ATXN7: variants seen among roughly 807,000 people sequenced by gnomAD.
ATXN7 encodes the protein ataxin-7.
Under a neutral mutation model 70.5 loss-of-function variants are expected in ATXN7, and 12 were observed. That is an observed-to-expected ratio of 0.17 (90% CI 0.11 to 0.28). ATXN7 has a LOEUF of 0.28. Ranked by LOEUF, ATXN7 falls within the 10% of genes least tolerant of loss-of-function variation. The pLI is 1.00. For synonymous variants in ATXN7, 498 were observed against 448.7 expected, an observed-to-expected ratio of 1.11 and a Z score of -1.39; for missense variants, 1,256 against 1,131.7, an observed-to-expected ratio of 1.11 and a Z score of -1.58.
At chr3:63,950,843 TATCTA>T (rs2074941590) in intron 4 of ATXN7, among the ~76,000 whole-genome samples, 1 of 152,196 alleles carries the variant, frequency 6.6e-6, no homozygotes, top group Non-Finnish European at 1.5e-5. Flanking sequence ...GGAAGCTTCT[TATCTA>T]ATCAGTTTAT....
At chr3:63,900,469 C>T (rs1285821148) in intron 2 of ATXN7, 1 of 152,252 alleles carries the variant, frequency 6.6e-6, no homozygotes, top group African/African-American at 2.4e-5. Context: ...ATGTTCTGGA[C>T]TAAAGCTGAA....
chr3:63,894,111 C>T (rs1417710094), intron 1 of ATXN7, among the ~76,000 whole-genome samples: 5 of 152,120 alleles, frequency 3.3e-5, no homozygotes. Flanking sequence ...GCATGGCTAC[C>T]TACAGGAGAC....
At chr3:63,913,567 C>G (rs1343844540) in intron 4 of ATXN7, among the ~76,000 whole-genome samples, 1 of 152,174 alleles carries the variant, frequency 6.6e-6, no homozygotes, top group Non-Finnish European at 1.5e-5. Flanking sequence ...TGAAACCTTT[C>G]CACGAATGCT....
At chr3:63,924,388 A>G (rs527475947) in intron 4 of ATXN7, among the ~76,000 whole-genome samples, 93 of 152,250 alleles carry the variant, frequency 6.1e-4, no homozygotes, top group African/African-American at 2.2e-3. Flanking sequence ...GTCAGTCTGT[A>G]TCCTCAACAT....
chr3:63,954,313 A>G (rs1194274755), intron 5 of ATXN7, among the ~76,000 whole-genome samples: 2 of 152,208 alleles, frequency 1.3e-5, no homozygotes, highest in East Asian at 3.9e-4. Context: ...GTGGCCCCGG[A>G]TTGGCAACAA....
intron 4 of ATXN7, among the ~76,000 whole-genome samples, chr3:63,916,480 T>C (rs1338104289): frequency 3.9e-5 from 6 of 152,242 alleles, no homozygotes; most frequent in Non-Finnish European, 7.3e-5. Flanking sequence ...CTGTTTTTTC[T>C]TTTCACTTTT....
At chr3:63,913,983 G>T (rs144392465) in intron 4 of ATXN7, among the ~76,000 whole-genome samples, 1 of 152,110 alleles carries the variant, frequency 6.6e-6, no homozygotes, top group East Asian at 1.9e-4. Flanking sequence ...ACCTGCACTA[G>T]GCCTGGGCAT....
At chr3:63,954,699 GTTTTTTTTTTTGTTTTTT>G (rs893271695) in intron 5 of ATXN7, among the ~76,000 whole-genome samples, 20 of 124,574 alleles carry the variant, frequency 1.6e-4, no homozygotes, top group East Asian at 2.4e-4. Context: ...AGGAAAAAGT[GTTTTTTTTTTTGTTTTTT>G]TTTTTTTTTG....
At chr3:63,914,002 C>A (rs960517551) in intron 4 of ATXN7, among the ~76,000 whole-genome samples, 6 of 152,176 alleles carry the variant, frequency 3.9e-5, no homozygotes, top group African/African-American at 1.4e-4. Flanking sequence ...ATACCGTGGT[C>A]AGAAAGGACT....
chr3:63,943,136 T>C (rs950377139), intron 4 of ATXN7, among the ~76,000 whole-genome samples: 3 of 152,228 alleles, frequency 2.0e-5, no homozygotes, highest in Admixed American at 1.3e-4. Flanking sequence ...AGGGAAAGTC[T>C]TTCCAATGAA....
chr3:63,890,599 A>G (rs1180312641), intron 1 of ATXN7, among the ~76,000 whole-genome samples: 1 of 152,076 alleles, frequency 6.6e-6, no homozygotes, highest in Non-Finnish European at 1.5e-5. Context: ...TCGTAGAAGT[A>G]AATAAAATAA....
At chr3:63,895,693 C>G (rs148562876) in intron 1 of ATXN7, among the ~76,000 whole-genome samples, 1 of 152,208 alleles carries the variant, frequency 6.6e-6, no homozygotes, top group Non-Finnish European at 1.5e-5. Context: ...GAGATTCTCT[C>G]TCTCTTTCTT....
At chr3:63,888,836 C>A (rs1237971580) in intron 1 of ATXN7, among the ~76,000 whole-genome samples, 1 of 152,108 alleles carries the variant, frequency 6.6e-6, no homozygotes, top group Non-Finnish European at 1.5e-5. Flanking sequence ...CACATTCATT[C>A]CTATTATCCT....
intron 2 of ATXN7, 26 bp from the exon 3 acceptor site, chr3:63,912,562 T>C (rs2107295681): frequency 2.7e-6 from 3 of 1,110,218 alleles, no homozygotes; most frequent in Non-Finnish European, 1.1e-6. Flanking sequence ...CGCGACTCTT[T>C]CCCCCTTTTT....
chr3:63,912,562 TC>T (rs1411624852), intron 2 of ATXN7, 25 bp from the exon 3 acceptor site: 9 of 1,110,206 alleles, frequency 8.1e-6, no homozygotes, highest in East Asian at 9.6e-5. Context: ...CGCGACTCTT[TC>T]CCCCTTTTTT....
At chr3:63,906,781 G>T (rs546938686) in intron 2 of ATXN7, among the ~76,000 whole-genome samples, 16 of 152,204 alleles carry the variant, frequency 1.1e-4, no homozygotes, top group Non-Finnish European at 1.9e-4. Flanking sequence ...AGTTGGATGG[G>T]GTTGGGGTGG....
chr3:63,967,994 T>C (rs1204921270), intron 5 of ATXN7: 2 of 1,529,074 alleles, frequency 1.3e-6, no homozygotes, highest in Non-Finnish European at 1.8e-6. Context: ...TCTGAGGCAG[T>C]TTTCAGAGTC....
intron 8 of ATXN7, among the ~76,000 whole-genome samples, chr3:63,985,655 C>T (rs138672615): frequency 1.0e-3 from 158 of 152,282 alleles, no homozygotes; most frequent in African/African-American, 3.7e-3. Context: ...TGTTCATTCC[C>T]ATTACTCATT....
At chr3:63,878,174 G>A (rs1702800290) in intron 1 of ATXN7, among the ~76,000 whole-genome samples, 2 of 152,150 alleles carry the variant, frequency 1.3e-5, no homozygotes, top group African/African-American at 4.8e-5. Context: ...ACTAGTAAAA[G>A]TGAAGTGACA....
Sources: gnomAD v4.1 joint callset for allele counts (sites outside exome capture counted in the v4.1 genomes callset) on GRCh38, gnomAD v4.1.1 for gene constraint, MANE v1.5 for transcripts, NCBI Gene and HGNC (gene_info 2026-07-23, HGNC 2026-07-21) for gene names.